The following NELL1 variants were observed in gnomAD, a reference collection of about 807,000 sequenced individuals.
NELL1 encodes the protein neural EGFL like 1, also known as protein kinase C-binding protein NELL1.
NELL1 carries 76 observed loss-of-function variants against 107.4 expected under a neutral mutation model. The observed-to-expected ratio is 0.71, with a 90% CI of 0.59 to 0.86. NELL1 has a LOEUF of 0.86. NELL1 is among the 40% of genes least tolerant of loss of function. The pLI, the probability that NELL1 is intolerant of heterozygous loss-of-function variation, is 0.00. For missense variants in NELL1, 1,024 were observed against 1,005.5 expected (o/e 1.02, Z -0.25); for synonymous variants, 353 against 341.2 (o/e 1.03, Z -0.38).
At chr11:21,408,598 T>G (rs1284927923) in intron 15 of NELL1, among the ~76,000 whole-genome samples, 1 of 152,018 alleles carries the variant, frequency 6.6e-6, no homozygotes, top group Admixed American at 6.6e-5. Context: ...TTGCGAAAAT[T>G]TTCTCCCATT....
In NELL1 at chr11:21,497,201, A is replaced by G. The variant is rs184524907; in HGVS notation, c.1646-37173A>G. 3.8e-3 allele frequency among the ~76,000 whole-genome samples: 571 copies of G among 151,492 alleles called. 6 individuals carry two copies. Among genetic ancestry groups the G allele is most frequent in the African/African-American group, 0.012 (481 of 41,370 alleles). ...AGGGATAGCATTAGGAGATATACCTAATGTAAATGACGAGTTAATGGGTGA... is the reference window on the plus strand; with the variant it reads ...AGGGATAGCATTAGGAGATATACCTGATGTAAATGACGAGTTAATGGGTGA... On this transcript the variant is annotated intron_variant, in intron 15 of 19. Transcript: ENST00000357134.
chr11:21,121,885 C>T (rs935350195), intron 13 of NELL1, among the ~76,000 whole-genome samples: 1 of 152,046 alleles, frequency 6.6e-6, no homozygotes. Context: ...ATATGTAGTA[C>T]TGGAAAAGCC....
intron 14 of NELL1, among the ~76,000 whole-genome samples, chr11:21,334,304 GC>G (rs1850337586): frequency 6.6e-6 from 1 of 151,860 alleles, no homozygotes; most frequent in African/African-American, 2.4e-5. Context: ...AATATTTTAG[GC>G]TTTTTGAGCC....
intron 14 of NELL1, among the ~76,000 whole-genome samples, chr11:21,337,735 C>CCTTTCTTTCTTTCTTTCTTT (rs34658936): frequency 1.7e-4 from 18 of 105,378 alleles, no homozygotes; most frequent in Admixed American, 2.1e-4. Context: ...TTCTTTCTTT[C>CCTTTCTTTCTTTCTTTCTTT]CTTTCTTTCT....
intron 11 of NELL1, among the ~76,000 whole-genome samples, chr11:20,957,744 T>C (rs1851206460): frequency 6.6e-6 from 1 of 151,886 alleles, no homozygotes; most frequent in South Asian, 2.1e-4. Context: ...AAAATAAAAA[T>C]ACAGTAAGTG....
intron 14 of NELL1, among the ~76,000 whole-genome samples, chr11:21,325,600 T>A (rs1225110175): frequency 6.6e-6 from 1 of 152,108 alleles, no homozygotes; most frequent in Non-Finnish European, 1.5e-5. Flanking sequence ...TGCATTTTTT[T>A]AATATTAACT....
intron 14 of NELL1, among the ~76,000 whole-genome samples, chr11:21,274,129 C>G (rs7951590): frequency 6.6e-6 from 1 of 152,226 alleles, no homozygotes; most frequent in East Asian, 1.9e-4. Flanking sequence ...AGAGTCCAGA[C>G]CCATCAGTGT....
chr11:21,500,547 C>A (rs148097976), intron 15 of NELL1, among the ~76,000 whole-genome samples: 1 of 151,912 alleles, frequency 6.6e-6, no homozygotes, highest in African/African-American at 2.4e-5. Context: ...TCAGTTTGAC[C>A]TACAGTTCCC....
intron 14 of NELL1, among the ~76,000 whole-genome samples, chr11:21,262,732 T>C (rs1565135967): frequency 1.3e-5 from 2 of 151,878 alleles, no homozygotes; most frequent in Non-Finnish European, 2.9e-5. Flanking sequence ...GATATTGGTA[T>C]ACATTTTCTT....
At chr11:20,821,775 G>C (rs1456778185) in intron 3 of NELL1, among the ~76,000 whole-genome samples, 1 of 152,204 alleles carries the variant, frequency 6.6e-6, no homozygotes, top group African/African-American at 2.4e-5. Flanking sequence ...AACAGGCTCA[G>C]CCTGGGTTCT....
chr11:21,560,453 AG>A, intron 17 of NELL1, 71 bp downstream of exon 17: 1 of 1,314,574 alleles, frequency 7.6e-7, no homozygotes, highest in Non-Finnish European at 1.0e-6. Flanking sequence ...CTACCTCCCC[AG>A]CTCTCTCCCT....
intron 13 of NELL1, among the ~76,000 whole-genome samples, chr11:21,156,576 C>T (rs1240823412): frequency 6.6e-6 from 1 of 152,056 alleles, no homozygotes; most frequent in African/African-American, 2.4e-5. Flanking sequence ...GACCAGGGTA[C>T]TGGATTGAAG....
chr11:21,477,084 G>A (rs1393349857), intron 15 of NELL1, among the ~76,000 whole-genome samples: 1 of 152,156 alleles, frequency 6.6e-6, no homozygotes, highest in African/African-American at 2.4e-5. Context: ...CAGAGCAAGT[G>A]GACTAGTGGG....
chr11:21,550,582 A>G (rs1005050132), intron 16 of NELL1, among the ~76,000 whole-genome samples: 11 of 152,120 alleles, frequency 7.2e-5, no homozygotes, highest in African/African-American at 2.4e-4. Context: ...TCCCAGCACC[A>G]TTTATTAAAT....
At chr11:21,007,846 G>A (rs1333063118) in intron 12 of NELL1, among the ~76,000 whole-genome samples, 18 of 151,974 alleles carry the variant, frequency 1.2e-4, no homozygotes, top group South Asian at 6.2e-4. Flanking sequence ...GATGATTTTT[G>A]TAACACCTCA....
At chr11:20,797,842 G>A (rs149873742) in intron 3 of NELL1, among the ~76,000 whole-genome samples, 1 of 152,274 alleles carries the variant, frequency 6.6e-6, no homozygotes, top group East Asian at 1.9e-4. Flanking sequence ...TCATTGTGCT[G>A]TGTGTGTCAT....
At chr11:20,962,958 G>A (rs757523659) in intron 12 of NELL1, among the ~76,000 whole-genome samples, 1 of 152,156 alleles carries the variant, frequency 6.6e-6, no homozygotes, top group Non-Finnish European at 1.5e-5. Flanking sequence ...ATGGGTTAAA[G>A]CAGGGGTCAA....
chr11:20,912,872 T>C (rs1850162679), intron 5 of NELL1, among the ~76,000 whole-genome samples: 1 of 152,186 alleles, frequency 6.6e-6, no homozygotes, highest in Non-Finnish European at 1.5e-5. Context: ...TTAATTCTTA[T>C]TTTTCCTTTC....
chr11:21,026,491 C>T (rs1180112994), intron 12 of NELL1, among the ~76,000 whole-genome samples: 7 of 152,148 alleles, frequency 4.6e-5, no homozygotes, highest in African/African-American at 1.4e-4. Flanking sequence ...CATTCGCCAT[C>T]CCCCTTCTCT....
Sources: gnomAD v4.1 joint callset for allele counts (sites outside exome capture counted in the v4.1 genomes callset) on GRCh38, gnomAD v4.1.1 for gene constraint, MANE v1.5 for transcripts, NCBI Gene and HGNC (gene_info 2026-07-23, HGNC 2026-07-21) for gene names.